Variants in EYS observed in about 807,000 individuals in gnomAD.
The protein encoded by EYS is EGF-like photoreceptor maintenance factor.
EYS carries 250 observed loss-of-function variants against 282.1 expected under a neutral mutation model. The ratio of observed to expected loss-of-function variants is 0.89; its 90% CI spans 0.80 to 0.98. The LOEUF (loss-of-function observed/expected upper bound fraction) is 0.98. Ranked by LOEUF, EYS falls within the 50% of genes least tolerant of loss-of-function variation. EYS has a pLI of 0.00. For synonymous variants in EYS, 1,355 were observed against 1,282.9 expected (o/e 1.06, Z -1.20); for missense variants, 4,016 against 3,709.0 (o/e 1.08, Z -2.15).
At chr6:64,506,865 C>T (rs1003225721) in intron 26 of EYS, among the ~76,000 whole-genome samples, 2 of 143,918 alleles carry the variant, frequency 1.4e-5, no homozygotes, top group African/African-American at 5.4e-5. Context: ...GCTAAGATCG[C>T]GCCGCTGCAC....
chr6:63,946,726 A>ATTT (rs10580253), intron 35 of EYS, among the ~76,000 whole-genome samples: 1 of 135,658 alleles, frequency 7.4e-6, no homozygotes, highest in Non-Finnish European at 1.6e-5. Flanking sequence ...TTTATGAACT[A>ATTT]TTTTTTTTTT....
intron 2 of EYS, among the ~76,000 whole-genome samples, chr6:65,533,347 T>C (rs1367992457): frequency 6.6e-6 from 1 of 151,984 alleles, no homozygotes; most frequent in Non-Finnish European, 1.5e-5. Flanking sequence ...ATTAACAGCC[T>C]ACCAACCAAA....
chr6:64,131,566 G>A (rs891952274), intron 31 of EYS, among the ~76,000 whole-genome samples: 4 of 152,120 alleles, frequency 2.6e-5, no homozygotes, highest in African/African-American at 9.7e-5. Flanking sequence ...CAGTATGTGT[G>A]TGTGTGTTTA....
At chr6:64,648,652 CA>C (rs1331817073) in intron 22 of EYS, among the ~76,000 whole-genome samples, 1 of 151,884 alleles carries the variant, frequency 6.6e-6, no homozygotes, top group Non-Finnish European at 1.5e-5. Context: ...GGCAAAATTA[CA>C]AGGTAAACGA....
At chr6:64,754,755 T>C (rs976994179) in intron 22 of EYS, among the ~76,000 whole-genome samples, 2 of 152,110 alleles carry the variant, frequency 1.3e-5, no homozygotes, top group African/African-American at 2.4e-5. Flanking sequence ...AATCCCTTTA[T>C]GATTAAAAAC....
At chr6:64,864,953 A>C (rs536213972) in intron 19 of EYS, among the ~76,000 whole-genome samples, 1 of 152,026 alleles carries the variant, frequency 6.6e-6, no homozygotes, top group South Asian at 2.1e-4. Context: ...AATTGCTTGC[A>C]CCTGAGAGGC....
At position 64,561,955 on chromosome 6, in the gene EYS, C is replaced by G. The variant is rs572271779; in HGVS notation, c.5644+28268G>C. ...AAAAAAAAAGAGCTCCAATCCTAAGCAAAAAGAACAAAACTGGAAGCATTC... is the reference window on the plus strand; with the variant it reads ...AAAAAAAAAGAGCTCCAATCCTAAGGAAAAAGAACAAAACTGGAAGCATTC... On this transcript the variant is annotated intron_variant, in intron 26 of 42. Transcript: ENST00000503581. Among the ~76,000 whole-genome samples the G allele has an allele frequency of 1.5e-4, 22 of 143,244 alleles. 1 individual carries two copies. The highest frequency in any genetic ancestry group is 6.2e-4 in the Admixed American group (9 of 14,564). The allele number at this position is 143,244 out of a possible 152,430, so 94.0% of individuals were successfully genotyped here.
rs12189794 is a variant in EYS at position 65,688,662 on chromosome 6, G to C, written c.-448+18473C>G. Among the ~76,000 whole-genome samples, 49 of 151,868 alleles carry C rather than the reference G, an allele frequency of 3.2e-4. 1 individual carries two copies. The South Asian group carries it at 4.8e-3, about 15-fold the overall frequency. ...TAATATCCAGAATCTACAATGAACTGAAACAAATTTACAAGAAAAAAACAA... is the reference window on the plus strand; with the variant it reads ...TAATATCCAGAATCTACAATGAACTCAAACAAATTTACAAGAAAAAAACAA... On this transcript the variant is annotated intron_variant, in intron 1 of 42. Transcript: ENST00000503581.
At chr6:64,546,328 G>T (rs1347162032) in intron 26 of EYS, among the ~76,000 whole-genome samples, 2 of 152,158 alleles carry the variant, frequency 1.3e-5, no homozygotes, top group Non-Finnish European at 2.9e-5. Flanking sequence ...TATGTAGAAA[G>T]CTGAAACTGG....
At chr6:64,982,678 T>C (rs1199301158) in intron 14 of EYS, among the ~76,000 whole-genome samples, 1 of 151,210 alleles carries the variant, frequency 6.6e-6, no homozygotes, top group Non-Finnish European at 1.5e-5. Flanking sequence ...TTTTGAGTGC[T>C]TTTAAAACAC....
intron 31 of EYS, among the ~76,000 whole-genome samples, chr6:64,149,780 G>A (rs1466446125): frequency 1.3e-5 from 2 of 152,188 alleles, no homozygotes; most frequent in Non-Finnish European, 2.9e-5. Flanking sequence ...TAGCCATTGT[G>A]TTATATTGTC....
rs543517152 is a variant in EYS at position 65,379,683 on chromosome 6, G to A, written c.1299+4703C>T. The stretch of plus-strand genomic sequence containing the variant: ...GAAGAGAGAAAGTCAAGTTGTGTCT[G>A]TTTGCAGAATACATGATTGTATATT... On this transcript the variant is annotated intron_variant, in intron 8 of 42. Coordinates refer to ENST00000503581, the MANE Select transcript of EYS (RefSeq NM_001142800.2). 9.9e-5 allele frequency among the ~76,000 whole-genome samples: 15 copies of A among 152,092 alleles called. No individual in the cohort carries two copies. In the South Asian group the frequency reaches 1.2e-3, roughly 13 times the overall value.
At chr6:65,164,532 T>C (rs746106448) in intron 12 of EYS, among the ~76,000 whole-genome samples, 52 of 151,436 alleles carry the variant, frequency 3.4e-4, no homozygotes, top group South Asian at 8.3e-4. Flanking sequence ...GAAATATTGT[T>C]TTATCATTAC....
At chr6:65,386,058 G>T (rs114540674) in intron 7 of EYS, among the ~76,000 whole-genome samples, 29 of 151,934 alleles carry the variant, frequency 1.9e-4, no homozygotes, top group African/African-American at 6.7e-4. Context: ...GCAGGATCAG[G>T]TCTATGAATT....
chr6:64,622,334 A>G (rs928104043), intron 23 of EYS, among the ~76,000 whole-genome samples: 2 of 152,110 alleles, frequency 1.3e-5, no homozygotes, highest in Admixed American at 1.3e-4. Flanking sequence ...GTACTTTTTC[A>G]ATATGTGCTG....
At position 64,928,108 on chromosome 6, in the gene EYS, T is replaced by A. The variant is rs56106475; in HGVS notation, c.2382-15365A>T. On this transcript the variant is annotated intron_variant, in intron 15 of 42. Transcript: ENST00000503581. Reference sequence around the variant, plus strand: ...AATCTTTGCATTTTATTATGTGTAATCACAATAAAAAATGTCCAAAAGCTA... The same window carrying A: ...AATCTTTGCATTTTATTATGTGTAAACACAATAAAAAATGTCCAAAAGCTA... Among the ~76,000 whole-genome samples the A allele has an allele frequency of 2.8e-3, 433 of 152,140 alleles. 3 individuals carry two copies. Among genetic ancestry groups the A allele is most frequent in the African/African-American group, 1.0e-2 (415 of 41,540 alleles).
chr6:64,788,069 G>A (rs1200134875), intron 22 of EYS, among the ~76,000 whole-genome samples: 2 of 151,852 alleles, frequency 1.3e-5, no homozygotes, highest in Non-Finnish European at 2.9e-5. Flanking sequence ...TGTTTCTGGG[G>A]TTGTTTGTTT....
At chr6:64,599,614 T>C (rs1183625862) in intron 24 of EYS, among the ~76,000 whole-genome samples, 1 of 152,140 alleles carries the variant, frequency 6.6e-6, no homozygotes, top group Admixed American at 6.5e-5. Context: ...AAGTTGAAAA[T>C]ATGAGTCTCT....
chr6:64,434,858 C>G (rs1774686346), intron 28 of EYS, among the ~76,000 whole-genome samples: 1 of 151,930 alleles, frequency 6.6e-6, no homozygotes, highest in African/African-American at 2.4e-5. Context: ...TTCAGCCATG[C>G]CTGAGGCCAG....
Sources: allele counts gnomAD v4.1 joint callset (sites outside exome capture counted in the v4.1 genomes callset), GRCh38; gene constraint gnomAD v4.1.1; transcripts MANE v1.5; gene names NCBI Gene and HGNC (gene_info 2026-07-23, HGNC 2026-07-21).